The following SPOCK3 variants were observed in gnomAD, a reference collection of about 807,000 sequenced individuals.
The protein encoded by SPOCK3 is SPARC (osteonectin), cwcv and kazal like domains proteoglycan 3, also known as testican-3.
SPOCK3 carries 30 observed loss-of-function variants against 56.6 expected under a neutral mutation model. The ratio of observed to expected loss-of-function variants is 0.53; its 90% CI spans 0.40 to 0.72. The LOEUF (loss-of-function observed/expected upper bound fraction) is 0.72, where lower values mean the gene tolerates loss of function less well. Among genes scored for constraint, SPOCK3 ranks in the 30% least tolerant of loss-of-function variants. The pLI, the probability that SPOCK3 is intolerant of heterozygous loss-of-function variation, is 0.00. For missense variants in SPOCK3, 527 were observed against 530.0 expected, an observed-to-expected ratio of 0.99 and a Z score of 0.06; for synonymous variants, 196 against 183.3, an observed-to-expected ratio of 1.07 and a Z score of -0.56.
chr4:166,940,006 A>T lies in SPOCK3; in HGVS notation c.351-27263T>A, dbSNP rs150519964. On this transcript the variant is annotated intron_variant, in intron 4 of 10. Transcript: ENST00000357545. ...CTTGATTTAATGATTCAAAAAAATA[A>T]CATTTTCTGCATTACTAAAGGAAAG... Among the ~76,000 whole-genome samples, 46 of 152,328 alleles carry T rather than the reference A, an allele frequency of 3.0e-4. 1 individual carries two copies. Among genetic ancestry groups the T allele is most frequent in the African/African-American group, 1.1e-3 (45 of 41,580 alleles).
At chr4:166,866,040 G>A (rs899258505) in intron 6 of SPOCK3, among the ~76,000 whole-genome samples, 2 of 152,104 alleles carry the variant, frequency 1.3e-5, no homozygotes, top group Admixed American at 1.3e-4. Context: ...ATACTGCAAG[G>A]CTATGGTAAC....
At chr4:167,074,373 C>A (rs560832755) in intron 2 of SPOCK3, among the ~76,000 whole-genome samples, 1 of 151,976 alleles carries the variant, frequency 6.6e-6, no homozygotes, top group East Asian at 1.9e-4. Flanking sequence ...AGGTGTCAAC[C>A]AAGGCTGCCT....
intron 5 of SPOCK3, among the ~76,000 whole-genome samples, chr4:166,900,172 G>A (rs1735884945): frequency 6.6e-6 from 1 of 152,128 alleles, no homozygotes; most frequent in Admixed American, 6.5e-5. Flanking sequence ...CAGCATCACT[G>A]TACCGTTTAA....
intron 2 of SPOCK3, among the ~76,000 whole-genome samples, chr4:167,092,517 G>T (rs1758793500): frequency 6.6e-6 from 1 of 152,060 alleles, no homozygotes; most frequent in Non-Finnish European, 1.5e-5. Flanking sequence ...GCAGTGATTT[G>T]CTTTTGATCT....
chr4:166,921,783 T>TA (rs1196605908), intron 4 of SPOCK3, among the ~76,000 whole-genome samples: 1 of 152,226 alleles, frequency 6.6e-6, no homozygotes, highest in African/African-American at 2.4e-5. Context: ...TACTTATAGT[T>TA]ACAGCTACAT....
intron 3 of SPOCK3, among the ~76,000 whole-genome samples, chr4:167,042,223 G>A (rs900706732): frequency 1.3e-5 from 2 of 152,112 alleles, no homozygotes; most frequent in East Asian, 3.9e-4. Flanking sequence ...CCTTATCTAT[G>A]AGTTTCGAAT....
intron 3 of SPOCK3, among the ~76,000 whole-genome samples, chr4:167,055,453 G>A (rs1009197602): frequency 1.3e-5 from 2 of 152,128 alleles, no homozygotes; most frequent in Non-Finnish European, 2.9e-5. Flanking sequence ...AGTGGGCGCA[G>A]GACAGTGGGT....
intron 8 of SPOCK3, among the ~76,000 whole-genome samples, chr4:166,747,310 G>A (rs1735764591): frequency 6.6e-6 from 1 of 152,030 alleles, no homozygotes; most frequent in Admixed American, 6.6e-5. Flanking sequence ...TTCATCCCTG[G>A]GATGCAAGTC....
intron 5 of SPOCK3, among the ~76,000 whole-genome samples, chr4:166,903,682 G>A (rs1560991996): frequency 6.6e-6 from 1 of 151,726 alleles, no homozygotes; most frequent in Non-Finnish European, 1.5e-5. Context: ...CAGTTTCTGT[G>A]TTAGTGTTGT....
At chr4:166,738,131 CCT>C (rs2090137877) in intron 9 of SPOCK3, among the ~76,000 whole-genome samples, 3 of 152,160 alleles carry the variant, frequency 2.0e-5, no homozygotes, top group South Asian at 2.1e-4. Flanking sequence ...GAGTCTCTCT[CCT>C]CTCTCTTCCA....
chr4:166,736,754 T>A (rs770871468), intron 10 of SPOCK3, among the ~76,000 whole-genome samples: 6 of 151,878 alleles, frequency 4.0e-5, no homozygotes, highest in Admixed American at 6.6e-5. Context: ...GCTTTTGTCA[T>A]GAAAACTGTC....
At chr4:166,736,760 C>T (rs1734257237) in intron 10 of SPOCK3, among the ~76,000 whole-genome samples, 1 of 151,652 alleles carries the variant, frequency 6.6e-6, no homozygotes, top group Admixed American at 6.6e-5. Context: ...GTCATGAAAA[C>T]TGTCTATAAT....
chr4:167,122,219 T>C (rs1442174755), intron 2 of SPOCK3, among the ~76,000 whole-genome samples: 1 of 151,954 alleles, frequency 6.6e-6, no homozygotes, highest in Non-Finnish European at 1.5e-5. Context: ...TGCAAGCACA[T>C]CTCACTGCAG....
chr4:167,105,463 T>TAAAAAAAAAAAAAAAAAAAAAAA (rs552028589), intron 2 of SPOCK3, among the ~76,000 whole-genome samples: 1 of 98,686 alleles, frequency 1.0e-5, no homozygotes, highest in African/African-American at 4.2e-5. Flanking sequence ...ACACAAAAAT[T>TAAAAAAAAAAAAAAAAAAAAAAA]AAAAAAAAAA....
rs538793763 is a variant in SPOCK3, at chr4:166,841,047, G to A, written c.589+48083C>T. Among the ~76,000 whole-genome samples the A allele has an allele frequency of 1.3e-3, 203 of 152,116 alleles. 4 individuals carry two copies. The highest frequency in any genetic ancestry group is 0.012 in the Admixed American group (186 of 15,276). On this transcript the variant is annotated intron_variant, in intron 6 of 10. Coordinates refer to ENST00000357545, the MANE Select transcript of SPOCK3 (RefSeq NM_001040159.2). The stretch of plus-strand genomic sequence containing the variant: ...CCAGCCTCAGCCTCCCAAAGAGCTA[G>A]GATTACAGGCGTAAGCCCCCACGCC...
intron 2 of SPOCK3, among the ~76,000 whole-genome samples, chr4:167,188,286 T>C (rs1167887312): frequency 6.8e-6 from 1 of 145,992 alleles, no homozygotes; most frequent in African/African-American, 2.6e-5. Context: ...CTTAACTCAC[T>C]TTCTATTGTT....
intron 6 of SPOCK3, among the ~76,000 whole-genome samples, chr4:166,819,296 C>T (rs1364848965): frequency 6.6e-6 from 1 of 152,032 alleles, no homozygotes; most frequent in Non-Finnish European, 1.5e-5. Context: ...CTGAATCTTT[C>T]CCTCTAACAT....
chr4:167,034,910 G>A (rs1490549187), intron 3 of SPOCK3, among the ~76,000 whole-genome samples: 2 of 152,082 alleles, frequency 1.3e-5, no homozygotes, highest in Non-Finnish European at 2.9e-5. Context: ...CCTGTGTTAA[G>A]CAAACATTTT....
chr4:167,203,571 AC>A (rs1304023992), intron 2 of SPOCK3, among the ~76,000 whole-genome samples: 23 of 150,144 alleles, frequency 1.5e-4, no homozygotes, highest in African/African-American at 5.1e-4. Flanking sequence ...AAAAAAAAAG[AC>A]AGAAAAGAAA....
Sources: gnomAD v4.1 joint callset for allele counts (sites outside exome capture counted in the v4.1 genomes callset) on GRCh38, gnomAD v4.1.1 for gene constraint, MANE v1.5 for transcripts, NCBI Gene and HGNC (gene_info 2026-07-23, HGNC 2026-07-21) for gene names.